Variants in CLMN observed in about 807,000 individuals in gnomAD.
CLMN encodes calmin (calponin-like, transmembrane).
In CLMN, 57 loss-of-function variants were observed where a neutral mutation model predicts 92.7. That is an observed-to-expected ratio of 0.61 (90% CI 0.50 to 0.77). The LOEUF is 0.77. Among genes scored for constraint, CLMN ranks in the 30% least tolerant of loss-of-function variants. The pLI is 0.00. For synonymous variants in CLMN, 466 were observed against 470.6 expected, an observed-to-expected ratio of 0.99 and a Z score of 0.13; for missense variants, 1,158 against 1,237.5, an observed-to-expected ratio of 0.94 and a Z score of 0.96.
intron 2 of CLMN, among the ~76,000 whole-genome samples, chr14:95,229,104 G>A (rs1199425414): frequency 1.3e-5 from 2 of 152,214 alleles, no homozygotes; most frequent in African/African-American, 4.8e-5. Flanking sequence ...GGTGCTTAAG[G>A]AGAAAGAGGT....
In CLMN at chr14:95,259,514, GA is replaced by G. The variant is rs1465842745; in HGVS notation, c.83-29382del. On this transcript the variant is annotated intron_variant, in intron 1 of 12. Transcript: ENST00000298912. The surrounding 1 kb of genome is among the most constrained non-coding windows in gnomAD (Gnocchi z 4.3). ...TGGAGTTTCAAGAAACATCTGGGAGGAAACGAGACAGGCTGTAGTTCCCACA... is the reference window on the plus strand; with the variant it reads ...TGGAGTTTCAAGAAACATCTGGGAGGAACGAGACAGGCTGTAGTTCCCACA... Among the ~76,000 whole-genome samples the G allele has an allele frequency of 1.3e-5, 2 of 152,140 alleles. No homozygotes were observed.
At chr14:95,289,863 C>T (rs1300623661) in intron 1 of CLMN, among the ~76,000 whole-genome samples, 1 of 152,230 alleles carries the variant, frequency 6.6e-6, no homozygotes, top group Non-Finnish European at 1.5e-5. Flanking sequence ...TGCCAGGTCT[C>T]CCATGGTCCT....
At position 95,183,860 on chromosome 14, in the gene CLMN, T is replaced by C. The variant is rs1250225727; in HGVS notation, c.*7704A>G. On this transcript the variant is annotated 3_prime_UTR_variant, in exon 13 of 13. Transcript: ENST00000298912. ...GACCTTATTTTTCTGTCCTGTGCTT[T>C]AGCTTCCTTTCCGAAATAAACACCT... The C allele has an allele frequency of 6.6e-6, 1 of 152,256 alleles. No homozygotes were observed. Among genetic ancestry groups the C allele is most frequent in the Non-Finnish European group, 1.5e-5 (1 of 68,050 alleles). 9.4% of individuals were successfully genotyped at this position (152,256 alleles called of 1,614,324 possible). A position where few individuals can be genotyped will look rare whatever the true frequency, so the allele number is the denominator to read the frequency against.
At chr14:95,235,857 G>A (rs541361079) in intron 1 of CLMN, among the ~76,000 whole-genome samples, 6 of 152,240 alleles carry the variant, frequency 3.9e-5, no homozygotes, top group South Asian at 2.1e-4. Context: ...ATCTCTACAC[G>A]CGCTCGCCCA....
intron 1 of CLMN, among the ~76,000 whole-genome samples, chr14:95,265,076 C>A (rs918757463): frequency 1.3e-5 from 2 of 151,296 alleles, no homozygotes; most frequent in Non-Finnish European, 3.0e-5. Flanking sequence ...CCTGTCTCTA[C>A]AAAAAAAATA....
chr14:95,315,188 G>A (rs183450120), intron 1 of CLMN, among the ~76,000 whole-genome samples: 6 of 152,332 alleles, frequency 3.9e-5, no homozygotes, highest in South Asian at 2.1e-4. Context: ...TGGGAGAGAA[G>A]GTTGGTGTGG....
chr14:95,227,505 C>A (rs1193145908), intron 2 of CLMN, among the ~76,000 whole-genome samples: 1 of 152,188 alleles, frequency 6.6e-6, no homozygotes, highest in East Asian at 1.9e-4. Flanking sequence ...CGGAATACCC[C>A]CTGATAAATG....
intron 6 of CLMN, among the ~76,000 whole-genome samples, chr14:95,211,795 C>T (rs564610083): frequency 4.6e-5 from 7 of 152,276 alleles, no homozygotes; most frequent in South Asian, 2.1e-4. Context: ...TACCAGGGTG[C>T]GTTATCCAAA....
At chr14:95,226,276 C>A (rs571113161) in intron 2 of CLMN, among the ~76,000 whole-genome samples, 7 of 152,280 alleles carry the variant, frequency 4.6e-5, no homozygotes, top group African/African-American at 1.7e-4. Context: ...CTTATAATAC[C>A]TAATTCAGTG....
At chr14:95,239,947 T>A (rs1211000236) in intron 1 of CLMN, among the ~76,000 whole-genome samples, 1 of 152,230 alleles carries the variant, frequency 6.6e-6, no homozygotes, top group East Asian at 1.9e-4. Context: ...TTTATATCTA[T>A]TTTTTACTGT....
At chr14:95,222,887 T>A (rs6575502) in intron 3 of CLMN, among the ~76,000 whole-genome samples, 5,310 of 152,210 alleles carry the variant, frequency 0.035, 308 homozygotes, top group African/African-American at 0.12. Flanking sequence ...AGACCTACAG[T>A]TAAGGACAGA....
At chr14:95,299,634 G>A (rs893647100) in intron 1 of CLMN, among the ~76,000 whole-genome samples, 1 of 152,196 alleles carries the variant, frequency 6.6e-6, no homozygotes, top group South Asian at 2.1e-4. Flanking sequence ...GGTTGGAAGA[G>A]ACCCTGCTAC....
Position 95,183,522 on chromosome 14 carries a change from C to T in CLMN, c.*8042G>A, listed in dbSNP as rs1896373642. On this transcript the variant is annotated 3_prime_UTR_variant, in exon 13 of 13. Coordinates refer to ENST00000298912, the MANE Select transcript of CLMN (RefSeq NM_024734.4). ...CAGTTATGAATTCATCCAAGTAATT[C>T]GTGGTCTCTACTTCTCCATTTTAAT... 1 of 152,206 alleles carries T rather than the reference C, an allele frequency of 6.6e-6. No individual in the cohort carries two copies. The highest frequency in any genetic ancestry group is 2.1e-4 in the South Asian group (1 of 4,834). 9.4% of individuals were successfully genotyped at this position (152,206 alleles called of 1,614,324 possible). A position where few individuals can be genotyped will look rare whatever the true frequency, so the allele number is the denominator to read the frequency against.
chr14:95,317,001 C>T (rs914715455), intron 1 of CLMN, among the ~76,000 whole-genome samples: 1 of 152,258 alleles, frequency 6.6e-6, no homozygotes, highest in Admixed American at 6.5e-5. Context: ...AGCAGGCACA[C>T]AGCTTCAATG....
intron 1 of CLMN, among the ~76,000 whole-genome samples, chr14:95,238,087 T>C (rs1051754094): frequency 6.6e-6 from 1 of 152,120 alleles, no homozygotes; most frequent in African/African-American, 2.4e-5. Context: ...ACTGACGGTG[T>C]GTAGAGGAGC....
intron 1 of CLMN, among the ~76,000 whole-genome samples, chr14:95,243,977 T>TA (rs1396195194): frequency 6.6e-6 from 1 of 152,164 alleles, no homozygotes; most frequent in Non-Finnish European, 1.5e-5. Flanking sequence ...GTTCTCTCAA[T>TA]AGAGTTCTCA....
chr14:95,202,062 A>G (rs966307929), intron 9 of CLMN, among the ~76,000 whole-genome samples: 10 of 152,206 alleles, frequency 6.6e-5, no homozygotes, highest in African/African-American at 2.4e-4. Flanking sequence ...ATGTCTTTAT[A>G]GCAGAATGAT....
chr14:95,300,788 T>G (rs1001868043), intron 1 of CLMN, among the ~76,000 whole-genome samples: 11 of 152,222 alleles, frequency 7.2e-5, no homozygotes, highest in Non-Finnish European at 1.6e-4. Flanking sequence ...TATATCCCGA[T>G]GAGACCGGGG....
At chr14:95,284,471 T>C (rs1418236721) in intron 1 of CLMN, among the ~76,000 whole-genome samples, 1 of 152,098 alleles carries the variant, frequency 6.6e-6, no homozygotes, top group African/African-American at 2.4e-5. Flanking sequence ...ACCATGTGCC[T>C]GGAAAAAACA....
Sources: allele counts gnomAD v4.1 joint callset (sites outside exome capture counted in the v4.1 genomes callset), GRCh38; gene constraint gnomAD v4.1.1; non-coding constraint Gnocchi (gnomAD v3.1); transcripts MANE v1.5; gene names NCBI Gene and HGNC (gene_info 2026-07-23, HGNC 2026-07-21).